Variants in CRYZ observed in about 807,000 individuals in gnomAD.
The protein encoded by CRYZ is crystallin zeta.
Under a neutral mutation model 34.1 loss-of-function variants are expected in CRYZ, and 35 were observed. That is an observed-to-expected ratio of 1.03 (90% CI 0.78 to 1.36). The LOEUF (loss-of-function observed/expected upper bound fraction) is 1.36. Ranked by LOEUF, CRYZ falls within the 40% of genes most tolerant of loss-of-function variation. The pLI is 0.00. For missense variants in CRYZ, 403 were observed against 391.8 expected, an observed-to-expected ratio of 1.03 and a Z score of -0.24; for synonymous variants, 137 against 136.5, an observed-to-expected ratio of 1.00 and a Z score of -0.03.
intron 1 of CRYZ, 28 bp from the exon 2 acceptor site, chr1:74,724,862 G>A (rs1279427155): frequency 7.6e-7 from 1 of 1,312,906 alleles, no homozygotes; most frequent in Non-Finnish European, 1.1e-6. Context: ...TTAATGTATT[G>A]TCACATTGTA....
At chr1:74,710,287 C>A in intron 5 of CRYZ, 40 bp from the exon 6 acceptor site, 1 of 1,601,586 alleles carries the variant, frequency 6.2e-7, no homozygotes, top group South Asian at 1.1e-5. Context: ...ATATTCTCTA[C>A]ACTCCTGTAA....
chr1:74,732,527 C>T (rs1239571242), intron 1 of CRYZ, among the ~76,000 whole-genome samples: 2 of 150,088 alleles, frequency 1.3e-5, no homozygotes, highest in East Asian at 3.9e-4. Flanking sequence ...CTGGACAGAC[C>T]GCTGGGCGCT....
rs1471284743 is a variant in CRYZ, at chr1:74,706,188, T to A, written c.*108A>T. 9.2e-6 allele frequency: 9 copies of A among 981,606 alleles called. No homozygotes were observed. In the East Asian group the frequency reaches 2.4e-4, roughly 26 times the overall value. The allele number at this position is 981,606 out of a possible 1,614,324, so 60.8% of individuals were successfully genotyped here. A position where few individuals can be genotyped will look rare whatever the true frequency, so the allele number is the denominator to read the frequency against. On this transcript the variant is annotated 3_prime_UTR_variant, in exon 9 of 9. Transcript: ENST00000340866. ...TAAAGAAAAATCTTATTTTTTCACA[T>A]AAGAAGCTCATGGAATCGAATGTTA...
intron 6 of CRYZ, 147 bp downstream of exon 6, chr1:74,709,951 A>AATT: frequency 1.6e-6 from 1 of 626,366 alleles, no homozygotes; most frequent in Non-Finnish European, 2.7e-6. Context: ...TTTTTAAATA[A>AATT]AGTTTTAAAA....
chr1:74,707,559 A>G (rs1008945459), intron 6 of CRYZ: 2 of 157,500 alleles, frequency 1.3e-5, no homozygotes, highest in African/African-American at 4.8e-5. Context: ...AAAGCCCCAA[A>G]CCCCCAGGGG....
intron 4 of CRYZ, among the ~76,000 whole-genome samples, chr1:74,715,299 C>T (rs1280345789): frequency 6.6e-6 from 1 of 152,158 alleles, no homozygotes; most frequent in Admixed American, 6.6e-5. Flanking sequence ...GACTACTTTT[C>T]TAGTATGTAC....
At chr1:74,706,516 A>G in intron 8 of CRYZ, 59 bp from the exon 9 acceptor site, 4 of 1,480,672 alleles carry the variant, frequency 2.7e-6, no homozygotes, top group South Asian at 1.3e-5. Context: ...AATTTTCAGA[A>G]GCATTAAAAA....
chr1:74,715,188 G>C (rs1164830211), intron 4 of CRYZ, among the ~76,000 whole-genome samples: 1 of 152,164 alleles, frequency 6.6e-6, no homozygotes, highest in African/African-American at 2.4e-5. Context: ...TCAGAGAGTA[G>C]GAAATGCAAT....
intron 4 of CRYZ, among the ~76,000 whole-genome samples, chr1:74,716,316 T>C (rs778957418): frequency 1.1e-4 from 16 of 152,230 alleles, no homozygotes; most frequent in South Asian, 4.1e-4. Flanking sequence ...GACTGATAGA[T>C]AGACAGACAG....
rs1031980067 is a variant in CRYZ at position 74,724,719 on chromosome 1, C to A, written c.103G>T (p.Asp35Tyr). The A allele has an allele frequency of 1.9e-6, 3 of 1,602,364 alleles. No individual in the cohort carries two copies. The African/African-American group carries it at 4.0e-5, about 22-fold the overall frequency. ...AGTAATTTTATTTCTACCTGATGGTCTTTTGGAATCGGTACTGCAATATCT... is the reference window on the plus strand; with the variant it reads ...AGTAATTTTATTTCTACCTGATGGTATTTTGGAATCGGTACTGCAATATCT... ...RSDIAVPIPK[D>Y]HQVLIKVHAC... The change falls in exon 2 of 9, where the codon GAC becomes TAC. Residue 35 changes from aspartate (D) to tyrosine (Y), a missense_variant. Physicochemically the swap from Asp to Tyr is radical, Grantham distance 160. Transcript: ENST00000340866.
intron 5 of CRYZ, 134 bp from the exon 6 acceptor site, chr1:74,710,381 A>T: frequency 5.7e-6 from 4 of 704,746 alleles, no homozygotes; most frequent in Non-Finnish European, 9.0e-6. Context: ...ATGAAGAAAT[A>T]AGAAAAACAG....
At chr1:74,732,570 G>A (rs1399097358) in intron 1 of CRYZ, among the ~76,000 whole-genome samples, 1 of 144,992 alleles carries the variant, frequency 6.9e-6, no homozygotes, top group Non-Finnish European at 1.5e-5. Context: ...GGCACTGGCT[G>A]CAGGGAAAAA....
At chr1:74,725,710 T>C (rs1042168287) in intron 1 of CRYZ, among the ~76,000 whole-genome samples, 1 of 152,154 alleles carries the variant, frequency 6.6e-6, no homozygotes, top group Non-Finnish European at 1.5e-5. Context: ...ACTCAAAGGT[T>C]CACAGTCCAA....
rs150358465 is a variant in CRYZ at position 74,712,292 on chromosome 1, T to C, written c.481-2045A>G. On this transcript the variant is annotated intron_variant, in intron 5 of 8. Coordinates refer to ENST00000340866, the MANE Select transcript of CRYZ (RefSeq NM_001889.4). The stretch of plus-strand genomic sequence containing the variant: ...GATAATTATTTGCTGTGGGAGACTA[T>C]CCCATGTATTGAAGGATATCTACTC... Among the ~76,000 whole-genome samples the C allele has an allele frequency of 1.4e-3, 213 of 152,250 alleles. 2 individuals are homozygous for C. The highest frequency in any genetic ancestry group is 4.9e-3 in the African/African-American group (202 of 41,552).
In CRYZ at chr1:74,706,964, T is replaced by C; in HGVS notation, c.763A>G (p.Asn255Asp). The C allele has an allele frequency of 6.2e-7, 1 of 1,612,872 alleles. No individual in the cohort carries two copies. The highest frequency in any genetic ancestry group is 8.5e-7 in the Non-Finnish European group (1 of 1,179,398). Residue 255 changes from asparagine (N) to aspartate (D), a missense_variant, in exon 8 of 9, where the codon AAC becomes GAC. Transcript: ENST00000340866. Reference sequence around the variant, plus strand: ...TCCTTTGCCATGGTGTCTCGTGGGTTTATTTCAATAGTACCTCTGCTGCCA... The same window carrying C: ...TCCTTTGCCATGGTGTCTCGTGGGTCTATTTCAATAGTACCTCTGCTGCCA... ...VVGSRGTIEI[N>D]PRDTMAKESS...
intron 1 of CRYZ, among the ~76,000 whole-genome samples, chr1:74,731,296 C>G (rs1647716343): frequency 6.6e-6 from 1 of 152,036 alleles, no homozygotes; most frequent in Admixed American, 6.6e-5. Context: ...TATATTTTAA[C>G]ATAGGATGAA....
At chr1:74,720,641 T>C (rs1040123577) in intron 3 of CRYZ, among the ~76,000 whole-genome samples, 8 of 152,072 alleles carry the variant, frequency 5.3e-5, no homozygotes, top group Non-Finnish European at 1.0e-4. Flanking sequence ...ACAAAAAAGA[T>C]TCAAAAGCCA....
chr1:74,717,051 T>C (rs551607611), intron 4 of CRYZ, among the ~76,000 whole-genome samples: 1 of 152,244 alleles, frequency 6.6e-6, no homozygotes, highest in Admixed American at 6.6e-5. Context: ...CCTTCAACAC[T>C]CCATCTCCCT....
At chr1:74,729,712 T>C (rs951381560) in intron 1 of CRYZ, among the ~76,000 whole-genome samples, 9 of 151,882 alleles carry the variant, frequency 5.9e-5, no homozygotes, top group African/African-American at 2.2e-4. Flanking sequence ...ATATACTCTA[T>C]AGTTCTATAA....
Sources: gnomAD v4.1 joint callset for allele counts (sites outside exome capture counted in the v4.1 genomes callset) on GRCh38, gnomAD v4.1.1 for gene constraint, MANE v1.5 for transcripts, NCBI Gene and HGNC (gene_info 2026-07-23, HGNC 2026-07-21) for gene names.